Variants in CNBD1 observed in about 807,000 individuals in gnomAD.
CNBD1 encodes cyclic nucleotide-binding domain-containing protein 1.
A neutral mutation model predicts 54.4 loss-of-function variants in CNBD1; 71 were observed. The observed-to-expected ratio is 1.30, with a 90% CI of 1.08 to 1.59. The LOEUF is 1.59. Ranked by LOEUF, CNBD1 falls within the 40% of genes most tolerant of loss-of-function variation. The probability of loss-of-function intolerance (pLI) is 0.00; values close to 1 mark genes in which losing one functional copy is unlikely to be tolerated. For missense variants in CNBD1, 659 were observed against 518.0 expected, an observed-to-expected ratio of 1.27 and a Z score of -2.64; for synonymous variants, 182 against 170.7, an observed-to-expected ratio of 1.07 and a Z score of -0.51.
chr8:87,280,093 T>G (rs1358878990), intron 6 of CNBD1, among the ~76,000 whole-genome samples: 1 of 151,632 alleles, frequency 6.6e-6, no homozygotes, highest in Non-Finnish European at 1.5e-5. Context: ...TGGAATGCGT[T>G]AGGTCCCCAT....
intron 2 of CNBD1, among the ~76,000 whole-genome samples, chr8:87,409,414 G>T (rs1004806503): frequency 2.0e-5 from 3 of 152,184 alleles, no homozygotes; most frequent in Non-Finnish European, 4.4e-5. Context: ...TTTAAGGAAA[G>T]AAGCCATCTC....
chr8:87,004,862 C>A (rs1306150768), intron 4 of CNBD1, among the ~76,000 whole-genome samples: 1 of 152,052 alleles, frequency 6.6e-6, no homozygotes, highest in African/African-American at 2.4e-5. Context: ...GAAATTCAAA[C>A]CATTCATTGT....
intron 10 of CNBD1, among the ~76,000 whole-genome samples, chr8:87,369,938 T>A (rs1315151174): frequency 6.6e-6 from 1 of 152,044 alleles, no homozygotes; most frequent in Non-Finnish European, 1.5e-5. Context: ...CCATGTGTTC[T>A]CATTGTTCAA....
chr8:87,305,884 TA>T (rs1431390353), intron 8 of CNBD1, among the ~76,000 whole-genome samples: 2 of 152,056 alleles, frequency 1.3e-5, no homozygotes, highest in Non-Finnish European at 2.9e-5. Context: ...GCAAATGCAG[TA>T]AAAACAAAGA....
chr8:87,032,723 T>G (rs1809821631), intron 4 of CNBD1, among the ~76,000 whole-genome samples: 1 of 152,206 alleles, frequency 6.6e-6, no homozygotes, highest in African/African-American at 2.4e-5. Context: ...ACCATTTGCT[T>G]TAGTTTCATT....
At chr8:87,357,649 G>A (rs146496615) in intron 10 of CNBD1, among the ~76,000 whole-genome samples, 1 of 152,262 alleles carries the variant, frequency 6.6e-6, no homozygotes, top group East Asian at 1.9e-4. Flanking sequence ...GCTCATAGGT[G>A]GAAAGAATGT....
At chr8:87,263,329 T>C (rs1808179695) in intron 6 of CNBD1, among the ~76,000 whole-genome samples, 1 of 152,190 alleles carries the variant, frequency 6.6e-6, no homozygotes, top group Non-Finnish European at 1.5e-5. Flanking sequence ...TTTTTTCAGA[T>C]AATTTTTAAA....
At chr8:87,281,600 AT>A (rs1410634668) in intron 6 of CNBD1, among the ~76,000 whole-genome samples, 1 of 94,718 alleles carries the variant, frequency 1.1e-5, no homozygotes, top group South Asian at 3.6e-4. Flanking sequence ...ATATATATAT[AT>A]AACTAATTTT....
intron 2 of CNBD1, among the ~76,000 whole-genome samples, chr8:86,893,659 A>G (rs1027992340): frequency 1.3e-5 from 2 of 152,168 alleles, no homozygotes; most frequent in Non-Finnish European, 2.9e-5. Context: ...TCCTGGAAAA[A>G]AAAGCAACCC....
At chr8:86,915,627 A>T (rs769833988) in intron 3 of CNBD1, among the ~76,000 whole-genome samples, 1 of 152,220 alleles carries the variant, frequency 6.6e-6, no homozygotes. Flanking sequence ...ATTTTCTGTT[A>T]TAATTTTTGC....
intron 6 of CNBD1, among the ~76,000 whole-genome samples, chr8:87,247,294 G>A (rs1396018896): frequency 6.6e-6 from 1 of 152,066 alleles, no homozygotes; most frequent in Non-Finnish European, 1.5e-5. Flanking sequence ...CCCAGTTAAG[G>A]GCTCTTTTCT....
chr8:87,141,852 G>A (rs1402612999), intron 4 of CNBD1, among the ~76,000 whole-genome samples: 1 of 152,008 alleles, frequency 6.6e-6, no homozygotes, highest in Non-Finnish European at 1.5e-5. Flanking sequence ...AAATTTTATA[G>A]CACTCAGGGC....
intron 3 of CNBD1, among the ~76,000 whole-genome samples, chr8:86,907,072 G>A (rs1018215222): frequency 6.6e-6 from 1 of 152,118 alleles, no homozygotes; most frequent in African/African-American, 2.4e-5. Flanking sequence ...GATGGCATTG[G>A]GACTCAGTTT....
chr8:86,929,099 G>T (rs13269333), intron 3 of CNBD1, among the ~76,000 whole-genome samples: 1 of 152,000 alleles, frequency 6.6e-6, no homozygotes, highest in Non-Finnish European at 1.5e-5. Context: ...CAATTTTGGC[G>T]TCAGCGTCTG....
At chr8:87,045,749 A>G (rs1156603512) in intron 4 of CNBD1, among the ~76,000 whole-genome samples, 4 of 144,994 alleles carry the variant, frequency 2.8e-5, no homozygotes, top group African/African-American at 1.0e-4. Context: ...AAAAAACAGT[A>G]CACATGTGCC....
At chr8:87,120,150 T>A (rs1811861549) in intron 4 of CNBD1, among the ~76,000 whole-genome samples, 1 of 151,996 alleles carries the variant, frequency 6.6e-6, no homozygotes, top group African/African-American at 2.4e-5. Context: ...TTCAGGAGAA[T>A]TAGTATTAGT....
chr8:87,400,380 G>A (rs1197627576), intron 2 of CNBD1, among the ~76,000 whole-genome samples: 5 of 151,954 alleles, frequency 3.3e-5, no homozygotes, highest in Non-Finnish European at 5.9e-5. Flanking sequence ...TTGAATTCCT[G>A]AAAGACTACC....
rs75010638 is a variant in CNBD1 at position 87,268,886 on chromosome 8, G to A, written c.772-15792G>A. Among the ~76,000 whole-genome samples, 416 of 152,066 alleles carry A rather than the reference G, an allele frequency of 2.7e-3. 1 individual carries two copies. Among genetic ancestry groups the A allele is most frequent in the African/African-American group, 9.5e-3 (394 of 41,510 alleles). ...ATTCTGTATGTTGTCAGTTTACTCC[G>A]TTTATAGTTTCTTTTGTTGTGTAGA... On this transcript the variant is annotated intron_variant, in intron 6 of 10. Coordinates refer to ENST00000518476, the MANE Select transcript of CNBD1 (RefSeq NM_173538.3).
At chr8:87,279,356 A>G (rs1046699313) in intron 6 of CNBD1, among the ~76,000 whole-genome samples, 14 of 151,556 alleles carry the variant, frequency 9.2e-5, no homozygotes, top group Admixed American at 8.6e-4. Flanking sequence ...AGGAAATGAC[A>G]CAAAGAAATA....
Sources: gnomAD v4.1 joint callset for allele counts (sites outside exome capture counted in the v4.1 genomes callset) on GRCh38, gnomAD v4.1.1 for gene constraint, MANE v1.5 for transcripts, NCBI Gene and HGNC (gene_info 2026-07-23, HGNC 2026-07-21) for gene names.